INVS: variants seen among roughly 807,000 people sequenced by gnomAD.
The protein encoded by INVS is inversion of embryo turning homolog.
In INVS, 86 loss-of-function variants were observed where a neutral mutation model predicts 108.8. The ratio of observed to expected loss-of-function variants is 0.79; its 90% CI spans 0.66 to 0.95. The LOEUF (loss-of-function observed/expected upper bound fraction) is 0.95, where lower values mean the gene tolerates loss of function less well. Among genes scored for constraint, INVS ranks in the 40% least tolerant of loss-of-function variants. INVS has a pLI of 0.00. For synonymous variants in INVS, 455 were observed against 473.5 expected (o/e 0.96, Z 0.51); for missense variants, 1,169 against 1,297.4 (o/e 0.90, Z 1.52).
At chr9:100,145,244 T>G (rs1055383842) in intron 3 of INVS, among the ~76,000 whole-genome samples, 3 of 151,282 alleles carry the variant, frequency 2.0e-5, no homozygotes, top group Non-Finnish European at 4.4e-5. Context: ...GGTTTGGGGG[T>G]TCTTACCTTC....
At chr9:100,112,236 T>G (rs940550729) in intron 2 of INVS, among the ~76,000 whole-genome samples, 4 of 152,204 alleles carry the variant, frequency 2.6e-5, no homozygotes, top group African/African-American at 9.6e-5. Context: ...CCTCCCAAAG[T>G]GCTGGGATTA....
At chr9:100,234,788 G>A (rs1034033465) in intron 5 of INVS, among the ~76,000 whole-genome samples, 9 of 151,982 alleles carry the variant, frequency 5.9e-5, no homozygotes, top group South Asian at 2.1e-4. Flanking sequence ...TTCCAATTAC[G>A]TGGTCAATTT....
intron 5 of INVS, among the ~76,000 whole-genome samples, chr9:100,233,295 T>C (rs1243932069): frequency 6.6e-6 from 1 of 152,208 alleles, no homozygotes; most frequent in African/African-American, 2.4e-5. Flanking sequence ...GTTATCTAAA[T>C]ACACAATCAT....
chr9:100,259,308 G>A (rs141960708), intron 10 of INVS, among the ~76,000 whole-genome samples: 177 of 152,276 alleles, frequency 1.2e-3, no homozygotes, highest in Non-Finnish European at 2.1e-3. Flanking sequence ...CGATTTTCCA[G>A]GTACCATCTG....
chr9:100,252,306 G>A lies in INVS; in HGVS notation c.1102G>A (p.Gly368Ser). 1 of 1,613,984 alleles carries A rather than the reference G, an allele frequency of 6.2e-7. No homozygotes were observed. The highest frequency in any genetic ancestry group is 8.5e-7 in the Non-Finnish European group (1 of 1,179,928). ...GTALHAAALSGHVSTVKLLLE... is the reference protein window; with the variant it reads ...GTALHAAALSSHVSTVKLLLE... ...AGCTTTGCATGCTGCTGCTCTTTCT[G>A]GCCATGTCAGCACCGTGAAGTTATT... Residue 368 changes from glycine to serine, a missense_variant, in exon 9 of 17, where the codon GGC (glycine) becomes AGC (serine). This residue lies in a region of INVS where 271 missense variants were observed against 363.8 expected (regional missense o/e 0.74). Coordinates refer to ENST00000262457, the MANE Select transcript of INVS (RefSeq NM_014425.5).
chr9:100,198,742 A>AC (rs1368952154), intron 3 of INVS, among the ~76,000 whole-genome samples: 2 of 151,526 alleles, frequency 1.3e-5, no homozygotes, highest in African/African-American at 4.9e-5. Flanking sequence ...ACGGGCATGC[A>AC]CCACCACGCC....
chr9:100,158,897 G>A (rs1829085761), intron 3 of INVS, among the ~76,000 whole-genome samples: 1 of 151,654 alleles, frequency 6.6e-6, no homozygotes, highest in South Asian at 2.1e-4. Flanking sequence ...ATAGCTGGTT[G>A]TTTAGAAGAG....
At chr9:100,193,567 T>C (rs1400294751) in intron 3 of INVS, among the ~76,000 whole-genome samples, 1 of 152,104 alleles carries the variant, frequency 6.6e-6, no homozygotes. Flanking sequence ...TCATGACCAT[T>C]TGTTATCCTT....
intron 11 of INVS, among the ~76,000 whole-genome samples, chr9:100,270,524 C>T (rs1832918840): frequency 6.6e-6 from 1 of 151,710 alleles, no homozygotes; most frequent in Non-Finnish European, 1.5e-5. Context: ...GTGGTCGGAT[C>T]ACCTGAGGTC....
chr9:100,282,712 T>C (rs1431983586), intron 12 of INVS, among the ~76,000 whole-genome samples: 1 of 152,170 alleles, frequency 6.6e-6, no homozygotes, highest in Non-Finnish European at 1.5e-5. Context: ...AGGTTGCCTA[T>C]AAAGAAGGCA....
At chr9:100,289,070 T>G (rs1426154103) in intron 13 of INVS, among the ~76,000 whole-genome samples, 1 of 152,162 alleles carries the variant, frequency 6.6e-6, no homozygotes, top group Non-Finnish European at 1.5e-5. Context: ...CGGAGCAGTT[T>G]TTCCTTCATT....
intron 2 of INVS, chr9:100,117,712 T>G (rs1827588232): frequency 1.7e-6 from 1 of 578,702 alleles, no homozygotes; most frequent in African/African-American, 1.9e-5. Flanking sequence ...TGATACGTTT[T>G]GAGGTAATTT....
chr9:100,294,255 C>T (rs968096987), intron 14 of INVS, among the ~76,000 whole-genome samples: 6 of 152,042 alleles, frequency 3.9e-5, no homozygotes, highest in South Asian at 2.1e-4. Flanking sequence ...GGAAATAATG[C>T]GGCACAGGTG....
intron 2 of INVS, among the ~76,000 whole-genome samples, chr9:100,114,515 C>T (rs1398293279): frequency 1.3e-5 from 2 of 149,912 alleles, no homozygotes; most frequent in African/African-American, 4.9e-5. Flanking sequence ...GATCCTCCCA[C>T]CTCAGCCTCC....
At chr9:100,182,306 A>G (rs917983521) in intron 3 of INVS, among the ~76,000 whole-genome samples, 7 of 152,238 alleles carry the variant, frequency 4.6e-5, no homozygotes, top group Non-Finnish European at 8.8e-5. Flanking sequence ...AGCAAAAGAC[A>G]CTATCAGCAG....
intron 12 of INVS, 82 bp downstream of exon 12, chr9:100,273,158 A>C: frequency 9.9e-7 from 1 of 1,012,218 alleles, no homozygotes; most frequent in South Asian, 1.3e-5. Flanking sequence ...TGGGGTGGCC[A>C]GGAGAGGGAA....
chr9:100,165,130 G>A (rs1829320798), intron 3 of INVS, among the ~76,000 whole-genome samples: 2 of 151,418 alleles, frequency 1.3e-5, no homozygotes, highest in African/African-American at 4.9e-5. Context: ...TGGGTATTTA[G>A]TAGGTATATG....
rs67549379 is a variant in INVS, at chr9:100,114,391, CTTTTTTTTTT to C, written c.106+9783_106+9792del. Reference sequence around the variant, plus strand: ...TATGCCCTTTGAGGCAGATTTCTTTCTTTTTTTTTTTTTTTTTTTTTTTTTTTTGAGACAG... The same window carrying C: ...TATGCCCTTTGAGGCAGATTTCTTTCTTTTTTTTTTTTTTTTTTGAGACAG... On this transcript the variant is annotated intron_variant, in intron 2 of 16. Coordinates refer to ENST00000262457, the MANE Select transcript of INVS (RefSeq NM_014425.5). Among the ~76,000 whole-genome samples, 73 of 64,872 alleles carry C rather than the reference CTTTTTTTTTT, an allele frequency of 1.1e-3. 1 individual carries two copies. Among genetic ancestry groups the C allele is most frequent in the African/African-American group, 4.0e-3 (62 of 15,638 alleles). 42.6% of individuals were successfully genotyped at this position (64,872 alleles called of 152,430 possible). A position where few individuals can be genotyped will look rare whatever the true frequency, so the allele number is the denominator to read the frequency against.
At chr9:100,226,819 A>C in intron 4 of INVS, among the ~76,000 whole-genome samples, 1 of 151,374 alleles carries the variant, frequency 6.6e-6, no homozygotes, top group East Asian at 1.9e-4. Flanking sequence ...TCAAAAAAAA[A>C]AAAAAAAAAA....
Sources: allele counts gnomAD v4.1 joint callset (sites outside exome capture counted in the v4.1 genomes callset), GRCh38; gene constraint gnomAD v4.1.1; regional missense constraint gnomAD v4.1.1; transcripts MANE v1.5; gene names NCBI Gene and HGNC (gene_info 2026-07-23, HGNC 2026-07-21).